AGBL4: variants seen among roughly 807,000 people sequenced by gnomAD.
AGBL4 encodes the protein AGBL carboxypeptidase 4.
Under a neutral mutation model 66.4 loss-of-function variants are expected in AGBL4, and 58 were observed. The observed-to-expected ratio is 0.87, with a 90% CI of 0.71 to 1.09. AGBL4 has a LOEUF of 1.09. AGBL4 is among the 50% of genes least tolerant of loss of function. The pLI is 0.00. For missense variants in AGBL4, 579 were observed against 631.0 expected (o/e 0.92, Z 0.88); for synonymous variants, 234 against 222.9 (o/e 1.05, Z -0.44).
chr1:48,717,837 C>CA (rs921898946), intron 6 of AGBL4, among the ~76,000 whole-genome samples: 9 of 152,276 alleles, frequency 5.9e-5, no homozygotes, highest in African/African-American at 1.9e-4. Context: ...AGCTGTGTGA[C>CA]ACTGGGCAAA....
At chr1:49,726,974 C>G (rs766582424) in intron 2 of AGBL4, among the ~76,000 whole-genome samples, 28 of 152,228 alleles carry the variant, frequency 1.8e-4, no homozygotes, top group Non-Finnish European at 3.7e-4. Flanking sequence ...GTCATATGCC[C>G]ACCCTACAAT....
At chr1:48,894,559 T>C (rs1651315582) in intron 5 of AGBL4, among the ~76,000 whole-genome samples, 1 of 152,074 alleles carries the variant, frequency 6.6e-6, no homozygotes, top group Admixed American at 6.6e-5. Context: ...ATATAAGCAC[T>C]CTCCTCCAGG....
At chr1:49,503,504 T>C (rs1413559457) in intron 3 of AGBL4, among the ~76,000 whole-genome samples, 1 of 152,090 alleles carries the variant, frequency 6.6e-6, no homozygotes, top group African/African-American at 2.4e-5. Flanking sequence ...GACAGCTTGC[T>C]CTGTGCACCT....
At chr1:48,715,157 A>AG (rs1233120306) in intron 6 of AGBL4, among the ~76,000 whole-genome samples, 1 of 152,088 alleles carries the variant, frequency 6.6e-6, no homozygotes, top group Non-Finnish European at 1.5e-5. Context: ...GGACTGCTGC[A>AG]GGGAGAGGAC....
intron 11 of AGBL4, among the ~76,000 whole-genome samples, chr1:48,552,653 T>C (rs1229659332): frequency 6.6e-6 from 1 of 152,140 alleles, no homozygotes; most frequent in Admixed American, 6.5e-5. Context: ...ACCAAGTGTG[T>C]CTTCAAACAT....
At chr1:48,761,265 C>T in intron 6 of AGBL4, 1 of 1,448,288 alleles carries the variant, frequency 6.9e-7, no homozygotes, top group Non-Finnish European at 9.2e-7. Context: ...GGAAGCCAGA[C>T]TGAAACTCTT....
At chr1:49,233,319 A>T (rs989804899) in intron 4 of AGBL4, among the ~76,000 whole-genome samples, 1 of 152,230 alleles carries the variant, frequency 6.6e-6, no homozygotes, top group Non-Finnish European at 1.5e-5. Flanking sequence ...AAAGTTAACT[A>T]CTAATTGAAA....
chr1:49,978,973 T>C (rs949829897), intron 1 of AGBL4, among the ~76,000 whole-genome samples: 2 of 152,190 alleles, frequency 1.3e-5, no homozygotes, highest in African/African-American at 2.4e-5. Context: ...AGTAAGTATA[T>C]TGAAAAATTT....
chr1:49,120,896 G>T (rs1272478138), intron 4 of AGBL4, among the ~76,000 whole-genome samples: 1 of 152,060 alleles, frequency 6.6e-6, no homozygotes, highest in Non-Finnish European at 1.5e-5. Flanking sequence ...TGGAGGCTTT[G>T]TTAATTTCTT....
At chr1:49,896,535 G>C (rs1023991841) in intron 1 of AGBL4, among the ~76,000 whole-genome samples, 1 of 151,208 alleles carries the variant, frequency 6.6e-6, no homozygotes, top group Admixed American at 6.6e-5. Flanking sequence ...AATAGACGAG[G>C]AGAGAATACT....
At chr1:48,764,117 T>A (rs1445923545) in intron 6 of AGBL4, among the ~76,000 whole-genome samples, 1 of 152,100 alleles carries the variant, frequency 6.6e-6, no homozygotes, top group Non-Finnish European at 1.5e-5. Context: ...GAACCCAAGA[T>A]CTCAAATGCT....
At chr1:49,120,158 G>T (rs960046978) in intron 4 of AGBL4, among the ~76,000 whole-genome samples, 2 of 152,130 alleles carry the variant, frequency 1.3e-5, no homozygotes, top group Non-Finnish European at 2.9e-5. Context: ...CTTTTAATTG[G>T]AGCATTTAGC....
chr1:48,919,557 C>T (rs1653906717), intron 5 of AGBL4, among the ~76,000 whole-genome samples: 1 of 152,162 alleles, frequency 6.6e-6, no homozygotes, highest in African/African-American at 2.4e-5. Flanking sequence ...CACCAATGCA[C>T]AGGTCAAAGA....
At chr1:49,241,513 G>C (rs1455311642) in intron 4 of AGBL4, among the ~76,000 whole-genome samples, 1 of 151,976 alleles carries the variant, frequency 6.6e-6, no homozygotes, top group African/African-American at 2.4e-5. Flanking sequence ...AATTATAACT[G>C]TTATTACAAA....
chr1:49,139,845 C>T lies in AGBL4; in HGVS notation c.378-94045G>A, dbSNP rs951415601. Among the ~76,000 whole-genome samples the T allele has an allele frequency of 2.6e-5, 4 of 152,114 alleles. No homozygotes were observed. The East Asian group carries it at 7.7e-4, about 29-fold the overall frequency. On this transcript the variant is annotated intron_variant, in intron 4 of 13. Coordinates refer to ENST00000371839, the MANE Select transcript of AGBL4 (RefSeq NM_032785.4). ...CTGTTTGGAAATAGCAATGATGCAA[C>T]AATCTGGTTTGAATCCCCTTCTCTA...
intron 11 of AGBL4, among the ~76,000 whole-genome samples, chr1:48,550,940 C>T (rs557383649): frequency 6.6e-6 from 1 of 152,364 alleles, no homozygotes; most frequent in South Asian, 2.1e-4. Flanking sequence ...TGCTCCTCCT[C>T]TTCCTCCACT....
At chr1:49,618,770 C>T (rs1252549914) in intron 3 of AGBL4, among the ~76,000 whole-genome samples, 1 of 152,166 alleles carries the variant, frequency 6.6e-6, no homozygotes, top group Non-Finnish European at 1.5e-5. Context: ...AGTTTATCCA[C>T]CATGATCAAG....
intron 6 of AGBL4, among the ~76,000 whole-genome samples, chr1:48,676,931 C>T (rs985889745): frequency 9.2e-5 from 14 of 152,028 alleles, no homozygotes; most frequent in South Asian, 2.1e-4. Context: ...ATTGTGCAGC[C>T]ACAAGGAGAA....
intron 3 of AGBL4, among the ~76,000 whole-genome samples, chr1:49,333,313 A>T (rs1340431646): frequency 1.3e-5 from 2 of 152,192 alleles, no homozygotes; most frequent in Non-Finnish European, 2.9e-5. Context: ...CCCTGTCTCT[A>T]TTAAAAATAC....
Sources: gnomAD v4.1 joint callset for allele counts (sites outside exome capture counted in the v4.1 genomes callset) on GRCh38, gnomAD v4.1.1 for gene constraint, MANE v1.5 for transcripts, NCBI Gene and HGNC (gene_info 2026-07-23, HGNC 2026-07-21) for gene names.